SCLT1: variants seen among roughly 807,000 people sequenced by gnomAD.
SCLT1 encodes sodium channel-associated protein 1.
In SCLT1, 78 loss-of-function variants were observed where a neutral mutation model predicts 112.8. The observed-to-expected ratio is 0.69, with a 90% CI of 0.58 to 0.83. The LOEUF is 0.83. Ranked by LOEUF, SCLT1 falls within the 40% of genes least tolerant of loss-of-function variation. The pLI is 0.00. For synonymous variants in SCLT1, 257 were observed against 254.7 expected (o/e 1.01, Z -0.09); for missense variants, 747 against 770.4 (o/e 0.97, Z 0.36).
chr4:128,902,018 G>A (rs1734353992), intron 18 of SCLT1, among the ~76,000 whole-genome samples: 1 of 152,034 alleles, frequency 6.6e-6, no homozygotes, highest in Non-Finnish European at 1.5e-5. Context: ...CTAGGCTCAA[G>A]TGATCCTCCC....
intron 20 of SCLT1, 100 bp from the exon 21 acceptor site, chr4:128,884,639 G>A: frequency 1.4e-6 from 1 of 732,328 alleles, no homozygotes; most frequent in South Asian, 1.6e-5. Context: ...GTACTGAAAT[G>A]GTCTTATTGG....
chr4:128,896,414 G>A (rs1270240806), intron 18 of SCLT1, among the ~76,000 whole-genome samples: 1 of 152,124 alleles, frequency 6.6e-6, no homozygotes, highest in Non-Finnish European at 1.5e-5. Flanking sequence ...AGGCAAACAG[G>A]GTCTGGAGTG....
At chr4:128,944,817 GAGA>G (rs1738005065) in intron 16 of SCLT1, 1 of 152,142 alleles carries the variant, frequency 6.6e-6, no homozygotes, top group Non-Finnish European at 1.5e-5. Context: ...TGATACTGAG[GAGA>G]AGAACTCTGC....
At chr4:129,072,819 C>G (rs1368191448) in intron 2 of SCLT1, among the ~76,000 whole-genome samples, 1 of 151,966 alleles carries the variant, frequency 6.6e-6, no homozygotes, top group Non-Finnish European at 1.5e-5. Context: ...GGGATTTATT[C>G]TTGGTTTGGA....
intron 16 of SCLT1, among the ~76,000 whole-genome samples, chr4:128,945,312 C>A (rs1579456967): frequency 1.3e-5 from 2 of 152,068 alleles, no homozygotes. Flanking sequence ...TTAGTACATA[C>A]AAGATTTATG....
intron 2 of SCLT1, among the ~76,000 whole-genome samples, chr4:129,052,479 T>G (rs1003439788): frequency 6.6e-5 from 10 of 151,984 alleles, no homozygotes; most frequent in Non-Finnish European, 1.0e-4. Context: ...AGGAATTCAT[T>G]CATTTCTTCT....
rs567103532 is a variant in SCLT1, at chr4:128,994,555, G to A, written c.616-2318C>T. On this transcript the variant is annotated intron_variant, in intron 8 of 20. Transcript: ENST00000281142. ...AGAAGTGGGATTTCTGGATCATATG[G>A]TAGTTATATTTTTATTTTTTTGAGG... 2.0e-3 allele frequency among the ~76,000 whole-genome samples: 307 copies of A among 152,190 alleles called. 1 individual carries two copies. The highest frequency in any genetic ancestry group is 3.6e-3 in the Admixed American group (55 of 15,264).
intron 9 of SCLT1, among the ~76,000 whole-genome samples, chr4:128,991,918 CTT>C (rs1742608299): frequency 6.6e-6 from 1 of 151,706 alleles, no homozygotes; most frequent in African/African-American, 2.4e-5. Context: ...TATACAAATA[CTT>C]TGTCATTTTA....
In SCLT1 at chr4:129,093,308, T is replaced by A; in HGVS notation, c.-205A>T. On this transcript the variant is annotated 5_prime_UTR_variant, in exon 1 of 21. Coordinates refer to ENST00000281142, the MANE Select transcript of SCLT1 (RefSeq NM_144643.4). ...GCCCCAGACGAGTCCCTGGCCCTGG[T>A]GAGAGACTGAAGATTGCTGGGGACT... 2 of 601,668 alleles carry A rather than the reference T, an allele frequency of 3.3e-6. No individual in the cohort carries two copies. The highest frequency in any genetic ancestry group is 2.0e-5 in the South Asian group (1 of 50,474). The allele number at this position is 601,668 out of a possible 1,614,324, so 37.3% of individuals were successfully genotyped here.
intron 5 of SCLT1, among the ~76,000 whole-genome samples, chr4:129,015,253 CA>C (rs1374813903): frequency 2.0e-5 from 3 of 151,986 alleles, no homozygotes; most frequent in African/African-American, 7.2e-5. Flanking sequence ...GCCATGGGTC[CA>C]GGGGTGGCTG....
intron 2 of SCLT1, among the ~76,000 whole-genome samples, chr4:129,057,094 C>T (rs997629339): frequency 3.9e-5 from 6 of 152,032 alleles, no homozygotes; most frequent in Non-Finnish European, 5.9e-5. Context: ...TTGAGATTAT[C>T]GTATGGTTTT....
chr4:129,013,747 T>G (rs779004969), intron 5 of SCLT1, among the ~76,000 whole-genome samples: 67 of 152,202 alleles, frequency 4.4e-4, no homozygotes, highest in Non-Finnish European at 8.7e-4. Flanking sequence ...AATTTTTTGT[T>G]TCATTTTGAC....
chr4:128,894,808 G>T (rs1207008630), intron 18 of SCLT1, among the ~76,000 whole-genome samples: 1 of 152,050 alleles, frequency 6.6e-6, no homozygotes, highest in Non-Finnish European at 1.5e-5. Context: ...CTCCCCAGTA[G>T]CTGGGATTAC....
At chr4:128,994,525 T>C (rs1213583640) in intron 8 of SCLT1, among the ~76,000 whole-genome samples, 1 of 152,136 alleles carries the variant, frequency 6.6e-6, no homozygotes, top group Non-Finnish European at 1.5e-5. Context: ...TTGGGATAAA[T>C]ATTCAGAAGT....
intron 18 of SCLT1, among the ~76,000 whole-genome samples, chr4:128,926,062 G>A (rs1736272596): frequency 6.6e-6 from 1 of 151,596 alleles, no homozygotes; most frequent in Non-Finnish European, 1.5e-5. Flanking sequence ...TCTCATTTCT[G>A]GGTGTGTTTT....
Position 128,888,779 on chromosome 4 carries a change from T to A in SCLT1, c.1909-5A>T. ...CTCTAGAATTAGCTTTTCATTCTAT[T>A]AAGGGGAAATAGAAAACAAGTTAGA... On this transcript the variant is annotated splice_polypyrimidine_tract_variant and splice_region_variant and intron_variant, in intron 19 of 20. Coordinates refer to ENST00000281142, the MANE Select transcript of SCLT1 (RefSeq NM_144643.4). 1 of 1,556,992 alleles carries A rather than the reference T, an allele frequency of 6.4e-7. No individual in the cohort carries two copies. Among genetic ancestry groups the A allele is most frequent in the Non-Finnish European group, 8.8e-7 (1 of 1,131,308 alleles).
chr4:128,954,534 C>T (rs1053775212), intron 13 of SCLT1, among the ~76,000 whole-genome samples: 1 of 152,072 alleles, frequency 6.6e-6, no homozygotes, highest in African/African-American at 2.4e-5. Context: ...AGGATGGTCT[C>T]AGTCTCCTGA....
intron 9 of SCLT1, among the ~76,000 whole-genome samples, chr4:128,991,596 T>C (rs1436016339): frequency 6.6e-6 from 1 of 151,540 alleles, no homozygotes; most frequent in African/African-American, 2.4e-5. Flanking sequence ...ATAACCAGAA[T>C]TGGAATATAT....
intron 5 of SCLT1, chr4:129,037,562 GA>G (rs1243892124): frequency 2.6e-5 from 4 of 152,118 alleles, no homozygotes; most frequent in Non-Finnish European, 5.9e-5. Context: ...TAGTAATAGG[GA>G]TGGTGGTAGC....
Sources: gnomAD v4.1 joint callset for allele counts (sites outside exome capture counted in the v4.1 genomes callset) on GRCh38, gnomAD v4.1.1 for gene constraint, MANE v1.5 for transcripts, NCBI Gene and HGNC (gene_info 2026-07-23, HGNC 2026-07-21) for gene names.